IFIH1: variants seen among roughly 807,000 people sequenced by gnomAD.
The protein encoded by IFIH1 is interferon-induced helicase C domain-containing protein 1.
A neutral mutation model predicts 107.4 loss-of-function variants in IFIH1; 125 were observed. That is an observed-to-expected ratio of 1.16 (90% CI 1.01 to 1.35). The LOEUF is 1.35. Among genes scored for constraint, IFIH1 ranks in the 40% most tolerant of loss-of-function variants. The pLI is 0.00. For synonymous variants in IFIH1, 458 were observed against 413.2 expected (o/e 1.11, Z -1.31); for missense variants, 1,333 against 1,213.7 (o/e 1.10, Z -1.46).
At chr2:162,312,556 T>G (rs1683400063) in intron 1 of IFIH1, among the ~76,000 whole-genome samples, 1 of 152,218 alleles carries the variant, frequency 6.6e-6, no homozygotes, top group Admixed American at 6.5e-5. Flanking sequence ...TCTCCAATTT[T>G]AAATTCATTT....
At chr2:162,313,113 A>G (rs1229234850) in intron 1 of IFIH1, among the ~76,000 whole-genome samples, 1 of 152,240 alleles carries the variant, frequency 6.6e-6, no homozygotes, top group Admixed American at 6.5e-5. Context: ...AACTACATAT[A>G]TCTGTGCAAT....
chr2:162,281,193 A>G, intron 7 of IFIH1, 135 bp downstream of exon 7: 1 of 631,872 alleles, frequency 1.6e-6, no homozygotes, highest in Non-Finnish European at 2.8e-6. Flanking sequence ...GAGTATATTT[A>G]TTGTACTAAA....
intron 1 of IFIH1, among the ~76,000 whole-genome samples, chr2:162,312,723 C>T (rs1398448548): frequency 6.6e-6 from 1 of 151,958 alleles, no homozygotes; most frequent in Non-Finnish European, 1.5e-5. Flanking sequence ...CTTTGGCTTC[C>T]CTGATGTTGT....
Position 162,268,249 on chromosome 2 carries a change from A to G in IFIH1, c.2645T>C (p.Met882Thr), listed in dbSNP as rs770497457. The G allele has an allele frequency of 4.3e-6, 7 of 1,610,512 alleles. No individual in the cohort carries two copies. The highest frequency in any genetic ancestry group is 1.7e-6 in the Non-Finnish European group (2 of 1,177,770). Residue 882 changes from methionine to threonine, a missense_variant, in exon 14 of 16, where the codon ATG (methionine) becomes ACG (threonine). Met to Thr is a moderately conservative substitution (Grantham distance 81). Coordinates refer to ENST00000649979, the MANE Select transcript of IFIH1 (RefSeq NM_022168.4). ...TCTCTTGGTTTTCATTTTCTTTTCC[A>G]TTATACTTTGCATCTGTAATTCCAA... The part of the protein sequence containing the change: ...KILELQMQSI[M>T]EKKMKTKRNI...
At chr2:162,309,751 CT>C (rs1339082285) in intron 2 of IFIH1, among the ~76,000 whole-genome samples, 3 of 152,102 alleles carry the variant, frequency 2.0e-5, no homozygotes, top group African/African-American at 7.2e-5. Flanking sequence ...ATTTTGGTTC[CT>C]TTTTGCATAA....
intron 2 of IFIH1, chr2:162,310,080 C>T (rs1041219279): frequency 1.3e-5 from 2 of 152,282 alleles, no homozygotes; most frequent in African/African-American, 4.8e-5. Flanking sequence ...GTGTTTGTTA[C>T]AGCAGCACCC....
Position 162,277,628 on chromosome 2 carries a change from G to C in IFIH1, c.1831C>G (p.Leu611Val). The change falls in exon 10 of 16, where the codon CTA becomes GTA. Residue 611 changes from leucine to valine, a missense_variant. Transcript: ENST00000649979. ...AEHLRKYNEA[L>V]QINDTIRMID... is the part of the protein sequence containing the mutation. ...ATTCGAATTGTGTCATTAATTTGTA[G>C]GGCCTCATTGTACTTCCTCAAATGT... 1 of 1,613,070 alleles carries C rather than the reference G, an allele frequency of 6.2e-7. No homozygotes were observed. Among genetic ancestry groups the C allele is most frequent in the Non-Finnish European group, 8.5e-7 (1 of 1,179,362 alleles).
At position 162,293,678 on chromosome 2, in the gene IFIH1, A is replaced by T; in HGVS notation, c.770-10T>A. The T allele has an allele frequency of 6.5e-7, 1 of 1,537,722 alleles. No homozygotes were observed. The highest frequency in any genetic ancestry group is 9.0e-7 in the Non-Finnish European group (1 of 1,113,480). On this transcript the variant is annotated splice_polypyrimidine_tract_variant and intron_variant, in intron 3 of 15. Transcript: ENST00000649979. The stretch of plus-strand genomic sequence containing the variant: ...AAACTTGTGTCTGATTCTGCAAAGG[A>T]AAACATTTTAAAATATTTTTAAAAT...
At chr2:162,292,330 C>T (rs1683009069) in intron 4 of IFIH1, among the ~76,000 whole-genome samples, 1 of 151,734 alleles carries the variant, frequency 6.6e-6, no homozygotes, top group African/African-American at 2.4e-5. Context: ...AAGCACATGG[C>T]AAGAACTCAA....
At chr2:162,279,915 G>T in intron 8 of IFIH1, 81 bp downstream of exon 8, 4 of 801,462 alleles carry the variant, frequency 5.0e-6, no homozygotes, top group Non-Finnish European at 4.2e-6. Flanking sequence ...TTTTTCAGAT[G>T]GTCAGTATAA....
chr2:162,318,087 C>G lies in IFIH1; in HGVS notation c.221G>C (p.Gly74Ala), dbSNP rs765738865. 3 of 1,614,204 alleles carry G rather than the reference C, an allele frequency of 1.9e-6. No homozygotes were observed. The Admixed American group carries it at 5.0e-5, about 27-fold the overall frequency. The change falls in exon 1 of 16, where the codon GGT becomes GCT. Residue 74 changes from glycine to alanine, a missense_variant. Physicochemically the swap from Gly to Ala is moderately conservative, Grantham distance 60. Coordinates refer to ENST00000649979, the MANE Select transcript of IFIH1 (RefSeq NM_022168.4). ...GGCCTCCACGAATTCCCGAGTCCAA[C>G]CAAGGTGCCAGACTCCCTTCTCCAA... is the stretch of plus-strand genomic sequence containing the variant. ...STLEKGVWHL[G>A]WTREFVEALR...
At position 162,306,851 on chromosome 2, in the gene IFIH1, A is replaced by C. The variant is rs564673117; in HGVS notation, c.627T>G (p.Ile209Met). The change falls in exon 3 of 16, where the codon ATT becomes ATG. Residue 209 changes from isoleucine to methionine, a missense_variant. Transcript: ENST00000649979. ...GSDCSESNAE[I>M]ENLSQVDGPQ... ...GACCATCAACTTGTGATAAATTCTC[A>C]ATCTCTGTGAATAACAGTATTAGAA... The C allele has an allele frequency of 1.9e-6, 3 of 1,613,568 alleles. No individual in the cohort carries two copies. Among genetic ancestry groups the C allele is most frequent in the African/African-American group, 1.3e-5 (1 of 75,052 alleles).
chr2:162,276,420 T>G (rs879923461), intron 11 of IFIH1, among the ~76,000 whole-genome samples: 7 of 152,012 alleles, frequency 4.6e-5, no homozygotes, highest in African/African-American at 1.7e-4. Flanking sequence ...CAGGACAACA[T>G]AGTGGGACAC....
intron 1 of IFIH1, among the ~76,000 whole-genome samples, chr2:162,313,609 T>C (rs1683419969): frequency 6.6e-6 from 1 of 152,230 alleles, no homozygotes; most frequent in African/African-American, 2.4e-5. Flanking sequence ...TGAAAATGTT[T>C]TCTTCCCTTT....
intron 7 of IFIH1, 60 bp from the exon 8 acceptor site, chr2:162,280,172 C>T (rs867423615): frequency 2.1e-5 from 18 of 872,968 alleles, no homozygotes; most frequent in Middle Eastern, 3.2e-4. Flanking sequence ...CTTTATTCAA[C>T]GTAGAACTCT....
At chr2:162,268,045 C>T (rs769215751) in intron 14 of IFIH1, 42 bp downstream of exon 14, 12 of 1,402,208 alleles carry the variant, frequency 8.6e-6, no homozygotes, top group Non-Finnish European at 9.8e-6. Flanking sequence ...ACCTGCTTCA[C>T]CCCTTGTGGA....
intron 4 of IFIH1, among the ~76,000 whole-genome samples, chr2:162,290,721 G>A (rs1163513101): frequency 1.3e-5 from 2 of 151,998 alleles, no homozygotes; most frequent in African/African-American, 4.8e-5. Context: ...TTAAGACTAG[G>A]AGATTTGATA....
chr2:162,286,851 T>C (rs1286890969), intron 5 of IFIH1, among the ~76,000 whole-genome samples: 1 of 151,930 alleles, frequency 6.6e-6, no homozygotes, highest in Non-Finnish European at 1.5e-5. Context: ...GCAGGAGTCA[T>C]TACTAGGCCA....
At chr2:162,278,847 GAT>G in intron 8 of IFIH1, among the ~76,000 whole-genome samples, 1 of 152,090 alleles carries the variant, frequency 6.6e-6, no homozygotes, top group African/African-American at 2.4e-5. Flanking sequence ...TAGAAGTCAA[GAT>G]AGTAGTGATT....
Sources: allele counts gnomAD v4.1 joint callset (sites outside exome capture counted in the v4.1 genomes callset), GRCh38; gene constraint gnomAD v4.1.1; transcripts MANE v1.5; gene names NCBI Gene and HGNC (gene_info 2026-07-23, HGNC 2026-07-21).